SGCD: variants seen among roughly 807,000 people sequenced by gnomAD.
The protein encoded by SGCD is sarcoglycan delta, also known as delta-sarcoglycan.
A neutral mutation model predicts 36.6 loss-of-function variants in SGCD; 18 were observed. That is an observed-to-expected ratio of 0.49 (90% CI 0.34 to 0.73). SGCD has a LOEUF of 0.73. Ranked by LOEUF, SGCD falls within the 30% of genes least tolerant of loss-of-function variation. SGCD has a pLI of 0.01. For synonymous variants in SGCD, 133 were observed against 130.6 expected, an observed-to-expected ratio of 1.02 and a Z score of -0.12; for missense variants, 387 against 346.7, an observed-to-expected ratio of 1.12 and a Z score of -0.92.
intron 1 of SGCD, among the ~76,000 whole-genome samples, chr5:156,072,765 C>T (rs1760623358): frequency 1.3e-5 from 2 of 152,192 alleles, no homozygotes; most frequent in Admixed American, 6.5e-5. Flanking sequence ...CTTTCAGGTA[C>T]ACCAATCAGA....
intron 3 of SGCD, among the ~76,000 whole-genome samples, chr5:156,443,840 G>T (rs916053635): frequency 6.6e-6 from 1 of 152,142 alleles, no homozygotes; most frequent in African/African-American, 2.4e-5. Flanking sequence ...ACAGCAGTGG[G>T]CTGTGGGCAA....
At chr5:155,942,293 C>T (rs376938410) in intron 1 of SGCD, among the ~76,000 whole-genome samples, 10 of 95,324 alleles carry the variant, frequency 1.0e-4, no homozygotes, top group Admixed American at 2.2e-4. Context: ...TATGTATGTA[C>T]GCATGTATGT....
the SGCD span, among the ~76,000 whole-genome samples, chr5:155,833,107 G>A: frequency 6.6e-6 from 1 of 151,124 alleles, no homozygotes; most frequent in Non-Finnish European, 1.5e-5. Flanking sequence ...GGACGCACCT[G>A]TAGTCACAGC....
At chr5:156,185,843 A>ATGTGTGTGTGTGTGTGTG (rs1465310637) in intron 3 of SGCD, among the ~76,000 whole-genome samples, 7 of 33,620 alleles carry the variant, frequency 2.1e-4, no homozygotes, top group Non-Finnish European at 3.3e-4. Flanking sequence ...GTATATATAT[A>ATGTGTGTGTGTGTGTGTG]TATATATAGA....
At chr5:156,436,287 GT>G (rs1753242551) in intron 3 of SGCD, among the ~76,000 whole-genome samples, 1 of 152,222 alleles carries the variant, frequency 6.6e-6, no homozygotes, top group African/African-American at 2.4e-5. Flanking sequence ...AAAATGCTAT[GT>G]TGTTCTCTCA....
At chr5:156,365,078 G>A (rs571853354) in intron 3 of SGCD, among the ~76,000 whole-genome samples, 3 of 152,276 alleles carry the variant, frequency 2.0e-5, no homozygotes, top group South Asian at 2.1e-4. Flanking sequence ...ATAAAAATGT[G>A]CAACTCAATT....
Position 156,152,740 on chromosome 5 carries a change from G to A in SGCD, c.-44+28721G>A, listed in dbSNP as rs140965196. Among the ~76,000 whole-genome samples the A allele has an allele frequency of 1.8e-3, 276 of 151,730 alleles. 12 individuals carry two copies. The highest frequency in any genetic ancestry group is 6.2e-3 in the African/African-American group (253 of 41,070). On this transcript the variant is annotated intron_variant, in intron 3 of 9. Coordinates refer to the SGCD transcript ENST00000517913. Reference sequence around the variant, plus strand: ...CTGACTACTAGAAAGTTTAAAAAATGTGGCTCACATTATATTTCCATTGGA... The same window carrying A: ...CTGACTACTAGAAAGTTTAAAAAATATGGCTCACATTATATTTCCATTGGA...
intron 7 of SGCD, among the ~76,000 whole-genome samples, chr5:156,657,423 A>C (rs1202615343): frequency 8.8e-6 from 1 of 113,534 alleles, no homozygotes; most frequent in Non-Finnish European, 1.7e-5. Context: ...TAGTCCCCGG[A>C]GTGTGATGTT....
At chr5:156,102,172 C>T (rs895824168) in intron 1 of SGCD, among the ~76,000 whole-genome samples, 2 of 151,226 alleles carry the variant, frequency 1.3e-5, no homozygotes, top group Non-Finnish European at 2.9e-5. Context: ...TTTTTGTGGC[C>T]AGAATTATAA....
At chr5:156,609,448 C>T (rs1055583258) in intron 6 of SGCD, among the ~76,000 whole-genome samples, 2 of 152,144 alleles carry the variant, frequency 1.3e-5, no homozygotes, top group African/African-American at 4.8e-5. Flanking sequence ...TTGTGGGTAA[C>T]CCGACCTTTC....
the SGCD span, among the ~76,000 whole-genome samples, chr5:155,852,576 G>A: frequency 6.6e-6 from 1 of 152,016 alleles, no homozygotes; most frequent in South Asian, 2.1e-4. Context: ...AGAAGTAGGA[G>A]GATGGAACAA....
intron 7 of SGCD, among the ~76,000 whole-genome samples, chr5:156,734,452 T>G (rs1266494177): frequency 6.6e-6 from 1 of 152,208 alleles, no homozygotes; most frequent in African/African-American, 2.4e-5. Context: ...GAAGTTCTCA[T>G]GGATGATATC....
At chr5:156,693,063 C>T (rs765610981) in intron 7 of SGCD, among the ~76,000 whole-genome samples, 4 of 152,074 alleles carry the variant, frequency 2.6e-5, no homozygotes, top group Admixed American at 6.6e-5. Flanking sequence ...TCACTCAGCC[C>T]GAAAGAGGAA....
At chr5:155,806,111 A>G in the SGCD span, among the ~76,000 whole-genome samples, 1 of 152,212 alleles carries the variant, frequency 6.6e-6, no homozygotes, top group Non-Finnish European at 1.5e-5. Flanking sequence ...AAGATTTCAT[A>G]TGATTTTTAA....
intron 1 of SGCD, among the ~76,000 whole-genome samples, chr5:156,027,713 T>C (rs1324577491): frequency 6.6e-6 from 1 of 152,218 alleles, no homozygotes; most frequent in Non-Finnish European, 1.5e-5. Flanking sequence ...TTTTGTATAG[T>C]ACATCAGTCT....
At chr5:156,335,116 T>C (rs1482224209) in intron 2 of SGCD, among the ~76,000 whole-genome samples, 3 of 152,194 alleles carry the variant, frequency 2.0e-5, no homozygotes, top group Admixed American at 6.5e-5. Flanking sequence ...ATGTATGCAC[T>C]TGTGTATCTG....
At chr5:156,564,796 G>T (rs145697232) in intron 4 of SGCD, among the ~76,000 whole-genome samples, 34 of 152,114 alleles carry the variant, frequency 2.2e-4, no homozygotes, top group African/African-American at 7.5e-4. Flanking sequence ...GTCCTCAAAG[G>T]TTCTTCCATG....
At chr5:156,428,769 C>T (rs1773785600) in intron 3 of SGCD, among the ~76,000 whole-genome samples, 1 of 151,984 alleles carries the variant, frequency 6.6e-6, no homozygotes, top group African/African-American at 2.4e-5. Flanking sequence ...TTTAAATTTC[C>T]ATCTTGATTT....
chr5:156,391,062 G>T (rs930615594), intron 3 of SGCD, among the ~76,000 whole-genome samples: 1 of 152,198 alleles, frequency 6.6e-6, no homozygotes, highest in Non-Finnish European at 1.5e-5. Flanking sequence ...TACCCAGGGA[G>T]AGAAACTTCC....
Sources: allele counts gnomAD v4.1 joint callset (sites outside exome capture counted in the v4.1 genomes callset), GRCh38; gene constraint gnomAD v4.1.1; transcripts MANE v1.5; gene names NCBI Gene and HGNC (gene_info 2026-07-23, HGNC 2026-07-21).